The following FCMR variants were observed in gnomAD, a reference collection of about 807,000 sequenced individuals.
FCMR encodes Fc mu receptor, also known as immunoglobulin mu Fc receptor.
A neutral mutation model predicts 41.6 loss-of-function variants in FCMR; 34 were observed. The ratio of observed to expected loss-of-function variants is 0.82; its 90% CI spans 0.62 to 1.09. The LOEUF is 1.09. Among genes scored for constraint, FCMR ranks in the 50% least tolerant of loss-of-function variants. The pLI is 0.00. For missense variants in FCMR, 496 were observed against 512.5 expected (o/e 0.97, Z 0.31); for synonymous variants, 209 against 211.8 (o/e 0.99, Z 0.12).
Position 206,911,943 on chromosome 1 carries a change from G to T in FCMR, c.497C>A (p.Pro166Gln). 6.2e-7 allele frequency: 1 copy of T among 1,608,920 alleles called. No homozygotes were observed. ...SSKFVTRVTT[P>Q]AQRGKVPPVH... is the part of the protein sequence containing the mutation. ...TGGAGGGACCTTGCCCCTTTGAGCT[G>T]GTGTGGTAACTGCAGGAGGTAGCAG... Residue 166 changes from proline (P) to glutamine (Q), a missense_variant, in exon 4 of 8, where the codon CCA (proline) becomes CAA (glutamine). Pro to Gln is a moderately conservative substitution (Grantham distance 76). Coordinates refer to ENST00000367091, the MANE Select transcript of FCMR (RefSeq NM_005449.5).
Position 206,904,835 on chromosome 1 carries a change from G to T in FCMR, c.*184C>A. 1 of 646,912 alleles carries T rather than the reference G, an allele frequency of 1.5e-6. No homozygotes were observed. Among genetic ancestry groups the T allele is most frequent in the South Asian group, 1.8e-5 (1 of 54,720 alleles). 40.1% of individuals were successfully genotyped at this position (646,912 alleles called of 1,614,324 possible). A position where few individuals can be genotyped will look rare whatever the true frequency, so the allele number is the denominator to read the frequency against. Reference sequence around the variant, plus strand: ...CAACTACAGGGGGCTGCCAAGGTGTGCAAGACGACCTGGGGGCAGAGCCAT... The same window carrying T: ...CAACTACAGGGGGCTGCCAAGGTGTTCAAGACGACCTGGGGGCAGAGCCAT... On this transcript the variant is annotated 3_prime_UTR_variant, in exon 8 of 8. Coordinates refer to ENST00000367091, the MANE Select transcript of FCMR (RefSeq NM_005449.5).
chr1:206,920,844 T>G (rs947724346), intron 1 of FCMR, among the ~76,000 whole-genome samples: 1 of 152,238 alleles, frequency 6.6e-6, no homozygotes, highest in Non-Finnish European at 1.5e-5. Flanking sequence ...TGCTGCTGCT[T>G]CTTATCCCAG....
chr1:206,913,500 T>C (rs94872), intron 2 of FCMR: 274,460 of 538,530 alleles, frequency 0.51, 75,296 homozygotes, highest in African/African-American at 0.86. Context: ...CTCAAGCCTC[T>C]ACTCCCCTCA....
At chr1:206,917,932 A>G (rs1246739913) in intron 1 of FCMR, 2 of 400,370 alleles carry the variant, frequency 5.0e-6, no homozygotes, top group Admixed American at 3.3e-5. Flanking sequence ...CCATCTTTAG[A>G]AATCCCTCAG....
chr1:206,921,630 G>A (rs190700239), intron 1 of FCMR, among the ~76,000 whole-genome samples, 188 bp downstream of exon 1: 5 of 152,164 alleles, frequency 3.3e-5, no homozygotes, highest in East Asian at 3.9e-4. Flanking sequence ...GTGGAGAAAG[G>A]AGCATTACCA....
At chr1:206,921,218 TAAG>T (rs1367517673) in intron 1 of FCMR, 1 of 180,126 alleles carries the variant, frequency 5.6e-6, no homozygotes, top group Non-Finnish European at 1.2e-5. Flanking sequence ...AGTGTAGAGG[TAAG>T]AAGAAAGAAG....
intron 7 of FCMR, chr1:206,907,668 GC>G (rs1678728849): frequency 8.8e-6 from 7 of 791,836 alleles, no homozygotes; most frequent in South Asian, 1.3e-5. Flanking sequence ...CATCTCCTGG[GC>G]CCCCTGGCGG....
In FCMR at chr1:206,904,685, C is replaced by A. The variant is rs1038611478; in HGVS notation, c.*334G>T. The A allele has an allele frequency of 3.3e-6, 1 of 304,470 alleles. No homozygotes were observed. The highest frequency in any genetic ancestry group is 2.1e-5 in the African/African-American group (1 of 46,628). 18.9% of individuals were successfully genotyped at this position (304,470 alleles called of 1,614,324 possible). On this transcript the variant is annotated 3_prime_UTR_variant, in exon 8 of 8. Coordinates refer to ENST00000367091, the MANE Select transcript of FCMR (RefSeq NM_005449.5). ...GATGCCATGTGATCTAGAGCCTGGG[C>A]AGCAACAACCCTGTGGTCAAAGACA...
chr1:206,911,878 G>C lies in FCMR; in HGVS notation c.562C>G (p.Pro188Ala). Residue 188 changes from proline to alanine, a missense_variant, in exon 4 of 8, where the codon CCT (proline) becomes GCT (alanine). Transcript: ENST00000367091. ...ACTGAAGATGCTCTGGACACTCGAG[G>C]GCGGTGGGTGATTTGGGTGGTGGGG... ...SSPTTQITHR[P>A]RVSRASSVAG... 6.2e-7 allele frequency: 1 copy of C among 1,607,908 alleles called. No homozygotes were observed. Among genetic ancestry groups the C allele is most frequent in the Non-Finnish European group, 8.5e-7 (1 of 1,178,060 alleles).
At chr1:206,919,082 C>A (rs974694055) in intron 1 of FCMR, among the ~76,000 whole-genome samples, 7 of 152,164 alleles carry the variant, frequency 4.6e-5, no homozygotes, top group Non-Finnish European at 1.0e-4. Flanking sequence ...CCTCTCATCC[C>A]TTCCTCCTGC....
chr1:206,907,927 GT>G, intron 7 of FCMR: 1 of 1,260,606 alleles, frequency 7.9e-7, no homozygotes, highest in Non-Finnish European at 1.2e-6. Context: ...CCACCTCAAG[GT>G]GTTTGACGGC....
Position 206,909,572 on chromosome 1 carries a change from C to G in FCMR, c.986-52G>C, listed in dbSNP as rs554628219. The G allele has an allele frequency of 2.3e-6, 3 of 1,282,382 alleles. No individual in the cohort carries two copies. The highest frequency in any genetic ancestry group is 4.2e-5 in the Admixed American group (1 of 24,076). 79.4% of individuals were successfully genotyped at this position (1,282,382 alleles called of 1,614,324 possible). A position where few individuals can be genotyped will look rare whatever the true frequency, so the allele number is the denominator to read the frequency against. On this transcript the variant is annotated intron_variant, in intron 6 of 7. Coordinates refer to ENST00000367091, the MANE Select transcript of FCMR (RefSeq NM_005449.5). The surrounding 1 kb of genome is among the most constrained non-coding windows in gnomAD (Gnocchi z 5.0). ...GCGGCGGCCGAGGCTCCCGCCCCAC[C>G]GTCATGCTACTACTCCCAGCTCCAC... is the stretch of plus-strand genomic sequence containing the variant.
Position 206,909,634 on chromosome 1 carries a change from C to G in FCMR, c.985+91G>C. 1.5e-6 allele frequency: 2 copies of G among 1,335,448 alleles called. No individual in the cohort carries two copies. Among genetic ancestry groups the G allele is most frequent in the African/African-American group, 1.5e-5 (1 of 64,682 alleles). The allele number at this position is 1,335,448 out of a possible 1,614,324, so 82.7% of individuals were successfully genotyped here. A position where few individuals can be genotyped will look rare whatever the true frequency, so the allele number is the denominator to read the frequency against. On this transcript the variant is annotated intron_variant, in intron 6 of 7. Coordinates refer to ENST00000367091, the MANE Select transcript of FCMR (RefSeq NM_005449.5). This position sits in a 1 kb window ranked among gnomAD's most constrained non-coding sequence, Gnocchi z 5.0. Reference sequence around the variant, plus strand: ...TCCCAGCTCCACCCTGTGGGAAGCCCTGGCACCTGGGAGCGCGCCCCGCTG... The same window carrying G: ...TCCCAGCTCCACCCTGTGGGAAGCCGTGGCACCTGGGAGCGCGCCCCGCTG...
At chr1:206,918,054 A>G (rs1679267522) in intron 1 of FCMR, among the ~76,000 whole-genome samples, 1 of 152,000 alleles carries the variant, frequency 6.6e-6, no homozygotes, top group South Asian at 2.1e-4. Flanking sequence ...TTTCTCTTCA[A>G]TCCACTTCTA....
intron 4 of FCMR, 103 bp downstream of exon 4, chr1:206,911,627 A>T: frequency 9.1e-7 from 1 of 1,093,520 alleles, no homozygotes; most frequent in Non-Finnish European, 1.4e-6. Context: ...ACAGTGGCCT[A>T]GAGACAAAGC....
rs1248440636 is a variant in FCMR at position 206,918,421 on chromosome 1, C to A, written c.37+3397G>T. On this transcript the variant is annotated intron_variant, in intron 1 of 7. Coordinates refer to ENST00000367091, the MANE Select transcript of FCMR (RefSeq NM_005449.5). ...CTTTTAAGGCTAATGCTATAGATTC[C>A]ACCAAAATGTGATCTCCAGTCTTCC... 2.0e-5 allele frequency among the ~76,000 whole-genome samples: 3 copies of A among 152,272 alleles called. No homozygotes were observed. The East Asian group carries it at 5.8e-4, about 29-fold the overall frequency.
Position 206,912,995 on chromosome 1 carries a change from A to G in FCMR, c.421T>C (p.Trp141Arg), listed in dbSNP as rs1295897477. The G allele has an allele frequency of 2.5e-6, 4 of 1,613,920 alleles. No homozygotes were observed. In the East Asian group the frequency reaches 6.7e-5, roughly 27 times the overall value. The stretch of plus-strand genomic sequence containing the variant: ...TGGAACAAATAGGGCAGATGAAACC[A>G]TTTTGGAGTCTCAGGCATTGGCTGC... ...EEQPMPETPK[W>R]FHLPYLFQMP... The change falls in exon 3 of 8, where the codon TGG (tryptophan) becomes CGG (arginine). Residue 141 changes from tryptophan (W) to arginine (R), a missense_variant. Trp to Arg is a moderately radical substitution (Grantham distance 101). Transcript: ENST00000367091.
Position 206,911,847 on chromosome 1 carries a change from C to T in FCMR, c.593G>A (p.Gly198Asp), listed in dbSNP as rs371965045. ...TGGCAGGAAGGTTCGGGGCTTGTCA[C>T]CTGCTACTGAAGATGCTCTGGACAC... ...PRVSRASSVA[G>D]DKPRTFLPST... The change falls in exon 4 of 8, where the codon GGT becomes GAT. Residue 198 changes from glycine (G) to aspartate (D), a missense_variant. Coordinates refer to ENST00000367091, the MANE Select transcript of FCMR (RefSeq NM_005449.5). 1.6e-5 allele frequency: 26 copies of T among 1,611,662 alleles called. No individual in the cohort carries two copies. The highest frequency in any genetic ancestry group is 2.1e-5 in the Non-Finnish European group (25 of 1,179,062).
chr1:206,907,710 G>A, intron 7 of FCMR: 1 of 892,262 alleles, frequency 1.1e-6, no homozygotes, highest in Non-Finnish European at 1.9e-6. Context: ...CTGCTGGGCT[G>A]GAAGGTGGTT....
Sources: gnomAD v4.1 joint callset for allele counts (sites outside exome capture counted in the v4.1 genomes callset) on GRCh38, gnomAD v4.1.1 for gene constraint, Gnocchi (gnomAD v3.1) non-coding constraint, MANE v1.5 for transcripts, NCBI Gene and HGNC (gene_info 2026-07-23, HGNC 2026-07-21) for gene names.